The following ITGA1 variants were observed in gnomAD, a reference collection of about 807,000 sequenced individuals.
ITGA1 encodes the protein integrin subunit alpha 1, also known as integrin alpha-1.
In ITGA1, 85 loss-of-function variants were observed where a neutral mutation model predicts 145.9. The observed-to-expected ratio is 0.58, with a 90% CI of 0.49 to 0.70. The LOEUF (loss-of-function observed/expected upper bound fraction) is 0.70, where lower values mean the gene tolerates loss of function less well. Among genes scored for constraint, ITGA1 ranks in the 30% least tolerant of loss-of-function variants. The pLI, the probability that ITGA1 is intolerant of heterozygous loss-of-function variation, is 0.00. For synonymous variants in ITGA1, 520 were observed against 495.3 expected (o/e 1.05, Z -0.66); for missense variants, 1,351 against 1,418.7 (o/e 0.95, Z 0.77).
intron 19 of ITGA1, among the ~76,000 whole-genome samples, chr5:52,925,878 T>C (rs891659276): frequency 6.6e-6 from 1 of 152,132 alleles, no homozygotes; most frequent in Non-Finnish European, 1.5e-5. Flanking sequence ...CAAGATACCA[T>C]ATCTCCCTTT....
chr5:52,936,507 T>G (rs1004669666), intron 23 of ITGA1, among the ~76,000 whole-genome samples: 1 of 152,128 alleles, frequency 6.6e-6, no homozygotes, highest in Admixed American at 6.5e-5. Flanking sequence ...CTTGGGTCTA[T>G]CTATGTAGAT....
chr5:52,847,451 T>C (rs1749354939), intron 1 of ITGA1, among the ~76,000 whole-genome samples: 1 of 152,226 alleles, frequency 6.6e-6, no homozygotes, highest in Non-Finnish European at 1.5e-5. Context: ...TGTGGCTATA[T>C]GGTGGTTTTA....
chr5:52,831,282 AC>A (rs1193130389), intron 1 of ITGA1, among the ~76,000 whole-genome samples: 1 of 151,892 alleles, frequency 6.6e-6, no homozygotes, highest in African/African-American at 2.4e-5. Context: ...ACAGACGTGC[AC>A]CACCACACCT....
chr5:52,790,659 T>G (rs1285371770), intron 1 of ITGA1, among the ~76,000 whole-genome samples: 1 of 152,232 alleles, frequency 6.6e-6, no homozygotes, highest in African/African-American at 2.4e-5. Flanking sequence ...ACTCTGACCC[T>G]ACTACCTTCC....
Position 52,955,699 on chromosome 5 carries a change from A to G in ITGA1, c.*3248A>G, listed in dbSNP as rs1234147861. 1.3e-5 allele frequency: 2 copies of G among 152,206 alleles called. No individual in the cohort carries two copies. Among genetic ancestry groups the G allele is most frequent in the Non-Finnish European group, 2.9e-5 (2 of 68,034 alleles). The allele number at this position is 152,206 out of a possible 1,614,324, so 9.4% of individuals were successfully genotyped here. A position where few individuals can be genotyped will look rare whatever the true frequency, so the allele number is the denominator to read the frequency against. On this transcript the variant is annotated 3_prime_UTR_variant, in exon 29 of 29. Coordinates refer to ENST00000282588, the MANE Select transcript of ITGA1 (RefSeq NM_181501.2). The stretch of plus-strand genomic sequence containing the variant: ...TTCCCAAGGAATTCAAAGTCCTGTG[A>G]TACACATTACAAAAGATGACACTTT...
intron 19 of ITGA1, among the ~76,000 whole-genome samples, chr5:52,925,777 G>A (rs1750796486): frequency 6.6e-6 from 1 of 152,076 alleles, no homozygotes; most frequent in Non-Finnish European, 1.5e-5. Context: ...ACAGAGTCAA[G>A]GAAAATAATA....
At chr5:52,850,703 A>G (rs1749417913) in intron 2 of ITGA1, among the ~76,000 whole-genome samples, 1 of 152,222 alleles carries the variant, frequency 6.6e-6, no homozygotes, top group African/African-American at 2.4e-5. Context: ...GGTATAAACT[A>G]GAATTTGTTG....
Position 52,927,574 on chromosome 5 carries a change from C to G in ITGA1, c.2614-10C>G. ...TGTCCACTCTGATTCTGTTTGCTTT[C>G]TCTTCCTAGGCTATCCAAAAAGACA... On this transcript the variant is annotated splice_polypyrimidine_tract_variant and intron_variant, in intron 19 of 28. Coordinates refer to ENST00000282588, the MANE Select transcript of ITGA1 (RefSeq NM_181501.2). 1.3e-6 allele frequency: 2 copies of G among 1,589,480 alleles called. No homozygotes were observed. Among genetic ancestry groups the G allele is most frequent in the Non-Finnish European group, 1.7e-6 (2 of 1,163,312 alleles).
chr5:52,874,030 T>G (rs577610184), intron 6 of ITGA1, among the ~76,000 whole-genome samples: 7 of 151,986 alleles, frequency 4.6e-5, no homozygotes, highest in African/African-American at 1.7e-4. Flanking sequence ...GAGTTTCTGT[T>G]GCTATAACAA....
In ITGA1 at chr5:52,958,269, T is replaced by C. The variant is rs1751331913; in HGVS notation, c.*5818T>C. ...GTGAGGGAGTGGAAGATGATGAAACTATTTCTCTTTTATGTCTACATCCTT... is the reference window on the plus strand; with the variant it reads ...GTGAGGGAGTGGAAGATGATGAAACCATTTCTCTTTTATGTCTACATCCTT... On this transcript the variant is annotated 3_prime_UTR_variant, in exon 29 of 29. Transcript: ENST00000282588. The C allele has an allele frequency of 6.6e-6, 1 of 152,164 alleles. No individual in the cohort carries two copies. The highest frequency in any genetic ancestry group is 1.5e-5 in the Non-Finnish European group (1 of 68,044). The allele number at this position is 152,164 out of a possible 1,614,324, so 9.4% of individuals were successfully genotyped here.
chr5:52,938,212 A>G (rs1561254795), intron 24 of ITGA1, among the ~76,000 whole-genome samples: 2 of 152,154 alleles, frequency 1.3e-5, no homozygotes, highest in Admixed American at 1.3e-4. Context: ...CTATAAAGTG[A>G]CTTCTTAATT....
At chr5:52,835,535 T>C (rs960688588) in intron 1 of ITGA1, among the ~76,000 whole-genome samples, 1 of 152,158 alleles carries the variant, frequency 6.6e-6, no homozygotes, top group African/African-American at 2.4e-5. Context: ...GGCCATTACT[T>C]GACATTCTGA....
chr5:52,846,174 G>T (rs1284535050), intron 1 of ITGA1, among the ~76,000 whole-genome samples: 1 of 152,132 alleles, frequency 6.6e-6, no homozygotes, highest in Non-Finnish European at 1.5e-5. Context: ...GCCAAGGCAG[G>T]TAGATCATTT....
rs757400644 is a variant in ITGA1 at position 52,881,830 on chromosome 5, A to C, written c.625-43A>C. On this transcript the variant is annotated intron_variant, in intron 6 of 28. Transcript: ENST00000282588. ...GTTAACCTGAAGAAATCTGAACAGG[A>C]AATTTGGATTGACGTATAACTCACA... is the stretch of plus-strand genomic sequence containing the variant. 3 of 1,561,404 alleles carry C rather than the reference A, an allele frequency of 1.9e-6. No individual in the cohort carries two copies. In the Admixed American group the frequency reaches 5.6e-5, roughly 29 times the overall value.
intron 1 of ITGA1, among the ~76,000 whole-genome samples, chr5:52,848,026 T>C (rs868045689): frequency 2.6e-5 from 4 of 152,170 alleles, no homozygotes; most frequent in South Asian, 2.1e-4. Context: ...ATGAGAAAAT[T>C]AAAAAGAATT....
At chr5:52,934,810 T>TTC (rs1300443086) in intron 23 of ITGA1, among the ~76,000 whole-genome samples, 1 of 151,990 alleles carries the variant, frequency 6.6e-6, no homozygotes, top group Non-Finnish European at 1.5e-5. Flanking sequence ...CAAAAAAAAG[T>TTC]TCTCTCATAG....
intron 9 of ITGA1, among the ~76,000 whole-genome samples, chr5:52,896,890 C>A (rs1750235228): frequency 1.3e-5 from 2 of 152,202 alleles, no homozygotes; most frequent in South Asian, 2.1e-4. Context: ...GTGATACTTA[C>A]CACCAGTAAT....
intron 8 of ITGA1, among the ~76,000 whole-genome samples, chr5:52,892,623 T>C (rs1284914874): frequency 6.6e-6 from 1 of 152,188 alleles, no homozygotes; most frequent in Non-Finnish European, 1.5e-5. Context: ...AAGTAAATTG[T>C]GGTGCATCCA....
At chr5:52,944,871 C>A in intron 26 of ITGA1, 72 bp from the exon 27 acceptor site, 2 of 1,000,848 alleles carry the variant, frequency 2.0e-6, no homozygotes, top group Non-Finnish European at 3.1e-6. Context: ...TTATAAATGT[C>A]CTACTCAAAC....
Sources: allele counts gnomAD v4.1 joint callset (sites outside exome capture counted in the v4.1 genomes callset), GRCh38; gene constraint gnomAD v4.1.1; transcripts MANE v1.5; gene names NCBI Gene and HGNC (gene_info 2026-07-23, HGNC 2026-07-21).